Variants in GPC6 observed in about 807,000 individuals in gnomAD.
GPC6 encodes glypican 6, also known as glypican-6.
Under a neutral mutation model 55.2 loss-of-function variants are expected in GPC6, and 14 were observed. The observed-to-expected ratio is 0.25, with a 90% CI of 0.17 to 0.40. The LOEUF (loss-of-function observed/expected upper bound fraction) is 0.40, where lower values mean the gene tolerates loss of function less well. Ranked by LOEUF, GPC6 falls within the 10% of genes least tolerant of loss-of-function variation. The pLI is 1.00. For synonymous variants in GPC6, 278 were observed against 259.6 expected (o/e 1.07, Z -0.68); for missense variants, 641 against 708.5 (o/e 0.90, Z 1.08).
At chr13:93,566,663 C>G (rs1291356773) in intron 2 of GPC6, among the ~76,000 whole-genome samples, 2 of 150,830 alleles carry the variant, frequency 1.3e-5, no homozygotes, top group Non-Finnish European at 2.9e-5. Context: ...TTTGCTGCAA[C>G]CATCAACCCG....
At chr13:93,697,835 C>A (rs191378383) in intron 2 of GPC6, among the ~76,000 whole-genome samples, 1 of 152,188 alleles carries the variant, frequency 6.6e-6, no homozygotes, top group Admixed American at 6.5e-5. Context: ...ATCAACTATC[C>A]CTTTTCTTAT....
At chr13:93,525,025 G>C (rs952014227) in intron 1 of GPC6, among the ~76,000 whole-genome samples, 3 of 152,066 alleles carry the variant, frequency 2.0e-5, no homozygotes, top group East Asian at 1.9e-4. Context: ...TTTGGTCGTT[G>C]ACTCTAATGG....
intron 3 of GPC6, among the ~76,000 whole-genome samples, chr13:93,868,974 T>C (rs898015609): frequency 3.3e-5 from 5 of 151,878 alleles, no homozygotes; most frequent in Non-Finnish European, 7.4e-5. Flanking sequence ...TAGTGCTCAA[T>C]TGAGTAAGGC....
At chr13:93,663,587 A>G in intron 2 of GPC6, among the ~76,000 whole-genome samples, 1 of 152,204 alleles carries the variant, frequency 6.6e-6, no homozygotes, top group East Asian at 1.9e-4. Context: ...TATGTTTGAG[A>G]TTTAAATGCA....
intron 1 of GPC6, among the ~76,000 whole-genome samples, chr13:93,274,718 A>C (rs1359713889): frequency 2.6e-5 from 4 of 152,188 alleles, no homozygotes; most frequent in Non-Finnish European, 5.9e-5. Flanking sequence ...ATTTTATGCT[A>C]TCAGAATGGT....
chr13:94,042,377 A>T (rs1883573683), intron 4 of GPC6, among the ~76,000 whole-genome samples: 1 of 151,872 alleles, frequency 6.6e-6, no homozygotes, highest in African/African-American at 2.4e-5. Context: ...ACCATACTAC[A>T]ACAATAAGAC....
At chr13:93,930,740 T>C (rs1270756007) in intron 3 of GPC6, among the ~76,000 whole-genome samples, 2 of 152,040 alleles carry the variant, frequency 1.3e-5, no homozygotes, top group African/African-American at 4.8e-5. Flanking sequence ...ACACAAAGAA[T>C]GGACAGATTT....
At chr13:93,548,636 A>G (rs1260362209) in intron 2 of GPC6, among the ~76,000 whole-genome samples, 1 of 152,160 alleles carries the variant, frequency 6.6e-6, no homozygotes. Context: ...AAGAGACACT[A>G]TAATTTTATA....
At chr13:93,731,333 C>CTGA (rs1392669605) in intron 2 of GPC6, among the ~76,000 whole-genome samples, 10 of 152,144 alleles carry the variant, frequency 6.6e-5, no homozygotes, top group African/African-American at 2.4e-4. Context: ...CCAGATTGCT[C>CTGA]CTCACCGTGG....
At chr13:93,683,926 A>G (rs1594369708) in intron 2 of GPC6, among the ~76,000 whole-genome samples, 1 of 152,124 alleles carries the variant, frequency 6.6e-6, no homozygotes, top group Admixed American at 6.5e-5. Flanking sequence ...TCCAGGTTGC[A>G]TGCTGCCAAC....
At chr13:94,200,051 G>A (rs1889702660) in intron 4 of GPC6, among the ~76,000 whole-genome samples, 2 of 151,654 alleles carry the variant, frequency 1.3e-5, no homozygotes, top group African/African-American at 2.4e-5. Context: ...AGTTACTTGA[G>A]AGGCTGAGGC....
At chr13:94,356,194 G>A (rs548660164) in intron 6 of GPC6, among the ~76,000 whole-genome samples, 70 of 152,296 alleles carry the variant, frequency 4.6e-4, no homozygotes, top group African/African-American at 1.6e-3. Context: ...GTCTATCCTT[G>A]ATGGGCATTT....
intron 3 of GPC6, among the ~76,000 whole-genome samples, chr13:93,947,710 A>G (rs1483687937): frequency 6.6e-6 from 1 of 152,020 alleles, no homozygotes; most frequent in Non-Finnish European, 1.5e-5. Context: ...CCCGTACAAA[A>G]GTGGTTTCTT....
chr13:93,510,959 A>ATATATATATATATGTGTATATATATATG (rs1880936170), intron 1 of GPC6, among the ~76,000 whole-genome samples: 10 of 18,888 alleles, frequency 5.3e-4, no homozygotes, highest in African/African-American at 8.5e-4. Context: ...AAATATATAT[A>ATATATATATATATGTGTATATATATATG]TATATATATA....
At chr13:94,145,307 A>G (rs1434338046) in intron 4 of GPC6, among the ~76,000 whole-genome samples, 1 of 152,188 alleles carries the variant, frequency 6.6e-6, no homozygotes, top group Non-Finnish European at 1.5e-5. Flanking sequence ...TTACATTAGT[A>G]TAATGTTTTG....
intron 2 of GPC6, among the ~76,000 whole-genome samples, chr13:93,685,675 C>T (rs1335438204): frequency 3.3e-5 from 5 of 151,968 alleles, no homozygotes; most frequent in South Asian, 2.1e-4. Flanking sequence ...AGCCTGGAGT[C>T]GCTAGTTGAT....
intron 3 of GPC6, among the ~76,000 whole-genome samples, chr13:93,965,214 A>G (rs946874912): frequency 2.1e-5 from 3 of 144,942 alleles, no homozygotes; most frequent in African/African-American, 5.1e-5. Flanking sequence ...GATTGAGACC[A>G]TCCTGGCTAA....
intron 1 of GPC6, among the ~76,000 whole-genome samples, chr13:93,313,575 A>G (rs1879144538): frequency 6.6e-6 from 1 of 152,156 alleles, no homozygotes; most frequent in African/African-American, 2.4e-5. Flanking sequence ...AATTTTTCCT[A>G]TCCACTCCGG....
Position 94,406,817 on chromosome 13 carries a change from A to G in GPC6, c.*3600A>G, listed in dbSNP as rs1881387109. On this transcript the variant is annotated 3_prime_UTR_variant, in exon 9 of 9. Coordinates refer to ENST00000377047, the MANE Select transcript of GPC6 (RefSeq NM_005708.5). ...ACTTCTTTTTGCAAAGCTAATTATC[A>G]AATGATTTGATTAAACCTAGACGCA... 6.6e-6 allele frequency: 1 copy of G among 152,178 alleles called. No individual in the cohort carries two copies. The highest frequency in any genetic ancestry group is 1.9e-4 in the East Asian group (1 of 5,202). The allele number at this position is 152,178 out of a possible 1,614,324, so 9.4% of individuals were successfully genotyped here.
Sources: gnomAD v4.1 joint callset for allele counts (sites outside exome capture counted in the v4.1 genomes callset) on GRCh38, gnomAD v4.1.1 for gene constraint, MANE v1.5 for transcripts, NCBI Gene and HGNC (gene_info 2026-07-23, HGNC 2026-07-21) for gene names.